Variants in CDH18 observed in about 807,000 individuals in gnomAD.
CDH18 encodes the protein cadherin 18.
In CDH18, 31 loss-of-function variants were observed where a neutral mutation model predicts 67.9. The ratio of observed to expected loss-of-function variants is 0.46; its 90% CI spans 0.34 to 0.62. The LOEUF is 0.62. Ranked by LOEUF, CDH18 falls within the 20% of genes least tolerant of loss-of-function variation. The pLI is 0.01. For missense variants in CDH18, 890 were observed against 975.5 expected (o/e 0.91, Z 1.17); for synonymous variants, 362 against 347.2 (o/e 1.04, Z -0.48).
At chr5:19,954,218 C>T (rs144525711) in intron 2 of CDH18, among the ~76,000 whole-genome samples, 247 of 152,106 alleles carry the variant, frequency 1.6e-3, no homozygotes, top group Non-Finnish European at 2.3e-3. Context: ...TCACTTTTAT[C>T]TTTCATGCTG....
intron 5 of CDH18, among the ~76,000 whole-genome samples, chr5:19,668,326 A>G (rs182785736): frequency 5.3e-4 from 80 of 152,208 alleles, no homozygotes; most frequent in African/African-American, 1.9e-3. Context: ...TCAAACTTCT[A>G]AAGTGGCATA....
intron 1 of CDH18, among the ~76,000 whole-genome samples, chr5:20,277,388 C>A (rs6884938): frequency 0.28 from 42,699 of 151,910 alleles, 7,037 homozygotes; most frequent in Non-Finnish European, 0.36. Flanking sequence ...TCCTCAAGAT[C>A]TTTTCTAAAA....
chr5:20,444,568 A>C (rs780682103), intron 1 of CDH18, among the ~76,000 whole-genome samples: 55 of 152,130 alleles, frequency 3.6e-4, no homozygotes, highest in Non-Finnish European at 7.2e-4. Flanking sequence ...ACAAACAAAA[A>C]TCCTCTCTTA....
At chr5:20,035,684 TG>T (rs1367507992) in intron 2 of CDH18, among the ~76,000 whole-genome samples, 1 of 151,946 alleles carries the variant, frequency 6.6e-6, no homozygotes, top group Non-Finnish European at 1.5e-5. Context: ...ACATGATACA[TG>T]GGGATCATGT....
At chr5:20,447,956 G>A (rs1750131988) in intron 1 of CDH18, among the ~76,000 whole-genome samples, 1 of 151,616 alleles carries the variant, frequency 6.6e-6, no homozygotes, top group Non-Finnish European at 1.5e-5. Flanking sequence ...ACAACGTGCA[G>A]GTTTGTTACA....
intron 2 of CDH18, among the ~76,000 whole-genome samples, chr5:19,861,179 C>T (rs1016892684): frequency 8.5e-5 from 13 of 152,236 alleles, no homozygotes; most frequent in African/African-American, 2.9e-4. Flanking sequence ...CTTGCATATT[C>T]AGTAGTAGTA....
At chr5:20,098,468 T>G (rs1055257679) in intron 2 of CDH18, among the ~76,000 whole-genome samples, 1 of 152,128 alleles carries the variant, frequency 6.6e-6, no homozygotes, top group Admixed American at 6.5e-5. Context: ...TTTTACTCTT[T>G]GACCAACTCC....
intron 5 of CDH18, among the ~76,000 whole-genome samples, chr5:19,651,763 A>T (rs1189794018): frequency 6.6e-6 from 1 of 152,106 alleles, no homozygotes; most frequent in Non-Finnish European, 1.5e-5. Flanking sequence ...GTATAGTAAA[A>T]ACAATAATTA....
intron 5 of CDH18, among the ~76,000 whole-genome samples, chr5:19,665,378 T>G (rs1757764509): frequency 6.6e-6 from 1 of 152,004 alleles, no homozygotes; most frequent in South Asian, 2.1e-4. Context: ...AATATTAAAA[T>G]TATCAATCTA....
At chr5:19,844,873 T>C (rs962810400) in intron 2 of CDH18, among the ~76,000 whole-genome samples, 1 of 152,216 alleles carries the variant, frequency 6.6e-6, no homozygotes, top group Non-Finnish European at 1.5e-5. Flanking sequence ...CTAAACCTGA[T>C]TTGTAAACAC....
intron 9 of CDH18, among the ~76,000 whole-genome samples, chr5:19,539,840 T>G (rs2220302): frequency 0.02 from 2,986 of 152,204 alleles, 110 homozygotes; most frequent in African/African-American, 0.068. Context: ...GTGGAAATTA[T>G]GGGAGCTACA....
intron 5 of CDH18, among the ~76,000 whole-genome samples, chr5:19,714,246 G>A (rs1236469973): frequency 1.3e-5 from 2 of 150,046 alleles, no homozygotes; most frequent in Non-Finnish European, 3.0e-5. Flanking sequence ...GGCCAGAGCA[G>A]TGTTGATAGA....
chr5:20,434,218 T>A (rs1453256236), intron 1 of CDH18, among the ~76,000 whole-genome samples: 2 of 152,002 alleles, frequency 1.3e-5, no homozygotes, highest in African/African-American at 4.8e-5. Flanking sequence ...AGGCCAAATG[T>A]TCAATAAATA....
intron 2 of CDH18, among the ~76,000 whole-genome samples, chr5:19,859,804 C>G (rs1784683774): frequency 1.3e-5 from 2 of 152,006 alleles, no homozygotes; most frequent in South Asian, 4.1e-4. Context: ...TGCTGTAGCC[C>G]AACCACCTTG....
At position 19,616,715 on chromosome 5, in the gene CDH18, G is replaced by C. The variant is rs114150110; in HGVS notation, c.644-4114C>G. ...ACAGACTATTGCGTTAATCTCTTCA[G>C]GCTGCCAGAACAAAATACCATAGGC... On this transcript the variant is annotated intron_variant, in intron 5 of 12. Transcript: ENST00000382275. 7.2e-3 allele frequency among the ~76,000 whole-genome samples: 1,092 copies of C among 152,250 alleles called. 14 individuals carry two copies. The highest frequency in any genetic ancestry group is 0.025 in the African/African-American group (1,034 of 41,544).
intron 1 of CDH18, among the ~76,000 whole-genome samples, chr5:20,268,568 T>C (rs1745214277): frequency 1.3e-5 from 2 of 152,080 alleles, no homozygotes; most frequent in African/African-American, 4.8e-5. Context: ...AGACCCCATC[T>C]CTATAGCACA....
intron 9 of CDH18, among the ~76,000 whole-genome samples, chr5:19,542,060 G>A (rs1205193471): frequency 1.3e-5 from 2 of 152,098 alleles, no homozygotes; most frequent in Non-Finnish European, 2.9e-5. Context: ...AAAGTAATTA[G>A]TGAAAGGTTA....
chr5:19,810,625 AAATAT>A (rs1778534735), intron 3 of CDH18, among the ~76,000 whole-genome samples: 5 of 152,068 alleles, frequency 3.3e-5, no homozygotes, highest in South Asian at 4.1e-4. Flanking sequence ...GTAATTAAGT[AAATAT>A]AATATACTTA....
intron 5 of CDH18, among the ~76,000 whole-genome samples, chr5:19,653,833 A>T (rs1755934024): frequency 6.6e-6 from 1 of 152,182 alleles, no homozygotes; most frequent in Non-Finnish European, 1.5e-5. Flanking sequence ...ACTTGGCTCA[A>T]GGTAAACGGG....
Sources: allele counts gnomAD v4.1 joint callset (sites outside exome capture counted in the v4.1 genomes callset), GRCh38; gene constraint gnomAD v4.1.1; transcripts MANE v1.5; gene names NCBI Gene and HGNC (gene_info 2026-07-23, HGNC 2026-07-21).